The following APBA2 variants were observed in gnomAD, a reference collection of about 807,000 sequenced individuals.
APBA2 encodes amyloid beta precursor protein binding family A member 2, also known as amyloid-beta A4 precursor protein-binding family A member 2.
In APBA2, 30 loss-of-function variants were observed where a neutral mutation model predicts 75.0. That is an observed-to-expected ratio of 0.40 (90% CI 0.30 to 0.54). The LOEUF (loss-of-function observed/expected upper bound fraction) is 0.54. Among genes scored for constraint, APBA2 ranks in the 20% least tolerant of loss-of-function variants. The probability of loss-of-function intolerance (pLI) is 0.49; values close to 1 mark genes in which losing one functional copy is unlikely to be tolerated. For missense variants in APBA2, 801 were observed against 1,016.1 expected (o/e 0.79, Z 2.88); for synonymous variants, 444 against 409.6 (o/e 1.08, Z -1.01).
Position 28,918,889 on chromosome 15 carries a change from G to T in APBA2, c.-204-2751G>T, listed in dbSNP as rs1362677588. Among the ~76,000 whole-genome samples the T allele has an allele frequency of 4.0e-5, 6 of 151,114 alleles. No individual in the cohort carries two copies. Among genetic ancestry groups the T allele is most frequent in the African/African-American group, 1.2e-4 (5 of 41,084 alleles). On this transcript the variant is annotated intron_variant, in intron 1 of 14. Coordinates refer to ENST00000683413, the MANE Select transcript of APBA2 (RefSeq NM_001353788.2). This position sits in a 1 kb window ranked among gnomAD's most constrained non-coding sequence, Gnocchi z 4.2. Reference sequence around the variant, plus strand: ...TTTTTTTTTTTTTGTAGACGGAGTCGCGCTCTGTCTCCCAGGCTGGAGTGC... The same window carrying T: ...TTTTTTTTTTTTTGTAGACGGAGTCTCGCTCTGTCTCCCAGGCTGGAGTGC...
chr15:28,977,703 C>T (rs1054756844), intron 2 of APBA2, among the ~76,000 whole-genome samples: 2 of 152,160 alleles, frequency 1.3e-5, no homozygotes, highest in African/African-American at 4.8e-5. Flanking sequence ...GTGAGCCACC[C>T]TCCCAATGTG....
At chr15:29,114,171 C>T (rs564819967) in intron 14 of APBA2, among the ~76,000 whole-genome samples, 155 bp downstream of exon 14, 35 of 152,344 alleles carry the variant, frequency 2.3e-4, no homozygotes, top group African/African-American at 1.2e-4. Context: ...GTGAATGGAG[C>T]GGCAGGTGAT....
intron 2 of APBA2, among the ~76,000 whole-genome samples, chr15:28,970,944 G>A (rs1259277856): frequency 6.6e-6 from 1 of 152,084 alleles, no homozygotes; most frequent in Non-Finnish European, 1.5e-5. Context: ...GGAGTTACCA[G>A]GCAAATGCAT....
At chr15:29,100,370 C>T (rs2044056799) in intron 9 of APBA2, among the ~76,000 whole-genome samples, 1 of 152,232 alleles carries the variant, frequency 6.6e-6, no homozygotes, top group South Asian at 2.1e-4. Context: ...AAGCAGCATG[C>T]ACTGCAAAGT....
At chr15:29,044,392 C>G (rs1288993046) in intron 3 of APBA2, 1 of 152,184 alleles carries the variant, frequency 6.6e-6, no homozygotes, top group Non-Finnish European at 1.5e-5. Context: ...TTAATTGAGT[C>G]TGGACATGGA....
At chr15:29,022,710 G>A (rs773689105) in intron 3 of APBA2, among the ~76,000 whole-genome samples, 5 of 152,062 alleles carry the variant, frequency 3.3e-5, no homozygotes, top group Non-Finnish European at 7.4e-5. Context: ...TTCTTCTAGA[G>A]TGTTTCTGCA....
intron 14 of APBA2, among the ~76,000 whole-genome samples, chr15:29,115,433 C>A (rs980062519): frequency 1.3e-5 from 2 of 152,046 alleles, no homozygotes; most frequent in Non-Finnish European, 2.9e-5. Flanking sequence ...CGGACACCAG[C>A]CTCCCTTTGA....
chr15:28,948,892 G>A (rs965901684), intron 2 of APBA2, among the ~76,000 whole-genome samples: 3 of 151,840 alleles, frequency 2.0e-5, no homozygotes, highest in Admixed American at 6.6e-5. Context: ...TGAGAGGCTG[G>A]GGGGTTGGTG....
At chr15:29,023,379 T>C (rs1312535958) in intron 3 of APBA2, among the ~76,000 whole-genome samples, 2 of 151,980 alleles carry the variant, frequency 1.3e-5, no homozygotes, top group East Asian at 3.9e-4. Context: ...TTGGTCTACC[T>C]TTTAAGGTTT....
At chr15:29,087,266 A>ATTT (rs1566990803) in intron 6 of APBA2, among the ~76,000 whole-genome samples, 5 of 143,278 alleles carry the variant, frequency 3.5e-5, no homozygotes, top group African/African-American at 1.5e-4. Context: ...TTTTTTTTTA[A>ATTT]AAAAAATTAT....
intron 4 of APBA2, among the ~76,000 whole-genome samples, chr15:29,062,847 G>A (rs777383115): frequency 1.7e-4 from 26 of 152,278 alleles, no homozygotes; most frequent in African/African-American, 5.3e-4. Context: ...CTTGGGGCCC[G>A]GGAACATTCT....
At chr15:29,097,883 C>T (rs1034421668) in intron 8 of APBA2, among the ~76,000 whole-genome samples, 1 of 152,164 alleles carries the variant, frequency 6.6e-6, no homozygotes, top group Non-Finnish European at 1.5e-5. Context: ...TTTGTAGCTT[C>T]CACCTGAGTG....
At chr15:28,947,049 G>A (rs911974399) in intron 2 of APBA2, among the ~76,000 whole-genome samples, 2 of 152,212 alleles carry the variant, frequency 1.3e-5, no homozygotes, top group Non-Finnish European at 2.9e-5. Flanking sequence ...CCATCACGGG[G>A]CTCTCATTTT....
intron 1 of APBA2, among the ~76,000 whole-genome samples, chr15:28,904,501 T>G (rs1368510469): frequency 1.3e-5 from 2 of 152,278 alleles, no homozygotes; most frequent in Non-Finnish European, 2.9e-5. Flanking sequence ...AGAGTAGAAT[T>G]GCTGGGCAAA....
intron 2 of APBA2, among the ~76,000 whole-genome samples, chr15:28,987,727 G>T (rs8031999): frequency 0.18 from 20,295 of 110,216 alleles, 5,303 homozygotes; most frequent in African/African-American, 0.65. Flanking sequence ...TATGTGGAGA[G>T]AGATATATAT....
chr15:28,958,877 A>C (rs2036315787), intron 2 of APBA2, among the ~76,000 whole-genome samples: 1 of 151,068 alleles, frequency 6.6e-6, no homozygotes, highest in Non-Finnish European at 1.5e-5. Context: ...AGTTTTCCTT[A>C]CTTGGCTATA....
intron 12 of APBA2, among the ~76,000 whole-genome samples, chr15:29,107,289 G>A (rs983404993): frequency 4.6e-5 from 7 of 152,180 alleles, no homozygotes; most frequent in African/African-American, 1.2e-4. Flanking sequence ...CGTCAGACTC[G>A]TGAGCTTGCA....
At chr15:29,084,760 C>G (rs143612403) in intron 6 of APBA2, among the ~76,000 whole-genome samples, 1 of 152,100 alleles carries the variant, frequency 6.6e-6, no homozygotes, top group Non-Finnish European at 1.5e-5. Flanking sequence ...TTTTTTCTGT[C>G]TTACAAATTT....
chr15:29,005,647 T>C (rs2039076161), intron 3 of APBA2, among the ~76,000 whole-genome samples: 1 of 152,114 alleles, frequency 6.6e-6, no homozygotes, highest in African/African-American at 2.4e-5. Flanking sequence ...GGTGGATCAC[T>C]TGAGGTCAGG....
Sources: gnomAD v4.1 joint callset for allele counts (sites outside exome capture counted in the v4.1 genomes callset) on GRCh38, gnomAD v4.1.1 for gene constraint, Gnocchi (gnomAD v3.1) non-coding constraint, MANE v1.5 for transcripts, NCBI Gene and HGNC (gene_info 2026-07-23, HGNC 2026-07-21) for gene names.